The following GALNT13 variants were observed in gnomAD, a reference collection of about 807,000 sequenced individuals.
GALNT13 encodes UDP-GalNAc:polypeptide N-acetylgalactosaminyltransferase 13.
Under a neutral mutation model 64.2 loss-of-function variants are expected in GALNT13, and 28 were observed. The observed-to-expected ratio is 0.44, with a 90% CI of 0.32 to 0.60. GALNT13 has a LOEUF of 0.60. Among genes scored for constraint, GALNT13 ranks in the 20% least tolerant of loss-of-function variants. The probability of loss-of-function intolerance (pLI) is 0.05; values close to 1 mark genes in which losing one functional copy is unlikely to be tolerated. For missense variants in GALNT13, 577 were observed against 669.8 expected (o/e 0.86, Z 1.53); for synonymous variants, 214 against 224.6 (o/e 0.95, Z 0.42).
intron 3 of GALNT13, among the ~76,000 whole-genome samples, chr2:154,052,898 G>A (rs1187892137): frequency 2.0e-5 from 3 of 151,746 alleles, no homozygotes; most frequent in East Asian, 1.9e-4. Flanking sequence ...CACCATGCCC[G>A]GCTAATTTTT....
rs62171167 is a variant in GALNT13 at position 154,115,106 on chromosome 2, C to T, written c.143-25231C>T. ...GGTATGTCTTCTAGACACTCCCAGC[C>T]GGGATGAGTATGTCTAAAGTGACTA... On this transcript the variant is annotated intron_variant, in intron 3 of 12. Transcript: ENST00000392825. Among the ~76,000 whole-genome samples the T allele has an allele frequency of 1.4e-3, 213 of 152,220 alleles. 1 individual carries two copies. The highest frequency in any genetic ancestry group is 6.8e-3 in the Middle Eastern group (2 of 294).
At chr2:153,454,208 G>A in the GALNT13 span, among the ~76,000 whole-genome samples, 3 of 152,016 alleles carry the variant, frequency 2.0e-5, no homozygotes, top group African/African-American at 2.4e-5. Flanking sequence ...ATTGTACCCC[G>A]AACCTCAGCA....
chr2:154,155,968 A>G (rs983154179), intron 4 of GALNT13, among the ~76,000 whole-genome samples: 1 of 151,956 alleles, frequency 6.6e-6, no homozygotes. Context: ...TGCATAATAC[A>G]TATATATTCG....
At chr2:153,307,881 T>G in the GALNT13 span, among the ~76,000 whole-genome samples, 18 of 152,250 alleles carry the variant, frequency 1.2e-4, no homozygotes, top group Non-Finnish European at 2.6e-4. Flanking sequence ...TATCATCTAT[T>G]CAGATGTATA....
intron 3 of GALNT13, among the ~76,000 whole-genome samples, chr2:154,061,483 A>G (rs559041484): frequency 4.8e-4 from 73 of 152,324 alleles, no homozygotes; most frequent in Non-Finnish European, 9.0e-4. Context: ...TTTATTCATC[A>G]TTCTTCCTCT....
chr2:153,839,890 G>T, the GALNT13 span, among the ~76,000 whole-genome samples: 1 of 151,944 alleles, frequency 6.6e-6, no homozygotes, highest in Non-Finnish European at 1.5e-5. Context: ...AAGCTAGTAA[G>T]TGTACTGCCA....
Position 154,450,560 on chromosome 2 carries a change from T to C in GALNT13, c.*9T>C. The C allele has an allele frequency of 6.3e-7, 1 of 1,584,840 alleles. No homozygotes were observed. The highest frequency in any genetic ancestry group is 8.6e-7 in the Non-Finnish European group (1 of 1,169,222). On this transcript the variant is annotated 3_prime_UTR_variant, in exon 13 of 13. Transcript: ENST00000392825. ...TGACCTTGGGCACATGAAGATCATG[T>C]CCTCCAAGCCATGAAAGTGTCTACG...
intron 3 of GALNT13, among the ~76,000 whole-genome samples, chr2:154,035,234 GTA>G (rs1698589563): frequency 6.6e-6 from 1 of 152,044 alleles, no homozygotes; most frequent in Non-Finnish European, 1.5e-5. Context: ...ATGTGCGTTT[GTA>G]TGTTTGTGTG....
chr2:153,141,864 A>G, the GALNT13 span, among the ~76,000 whole-genome samples: 1 of 152,062 alleles, frequency 6.6e-6, no homozygotes, highest in Non-Finnish European at 1.5e-5. Context: ...CATCAGAGCC[A>G]GGGTTTGAAT....
chr2:153,087,635 T>A, the GALNT13 span, among the ~76,000 whole-genome samples: 3 of 152,122 alleles, frequency 2.0e-5, no homozygotes, highest in African/African-American at 4.8e-5. Context: ...CTATTTTTTT[T>A]ATTGCCATTT....
intron 3 of GALNT13, among the ~76,000 whole-genome samples, chr2:154,060,858 C>G (rs938719038): frequency 6.6e-6 from 1 of 151,982 alleles, no homozygotes; most frequent in African/African-American, 2.4e-5. Context: ...TCCTACAGGT[C>G]AGCCTCCAGG....
the GALNT13 span, among the ~76,000 whole-genome samples, chr2:153,440,261 C>T: frequency 6.6e-6 from 1 of 152,136 alleles, no homozygotes; most frequent in Non-Finnish European, 1.5e-5. Flanking sequence ...TCATCCATGT[C>T]CCTGCAAAGG....
chr2:154,415,996 T>C (rs1699991824), intron 11 of GALNT13, among the ~76,000 whole-genome samples: 1 of 152,046 alleles, frequency 6.6e-6, no homozygotes, highest in Non-Finnish European at 1.5e-5. Context: ...TTTAAATGAG[T>C]TGGATACATG....
the GALNT13 span, among the ~76,000 whole-genome samples, chr2:153,229,407 TA>T: frequency 6.6e-6 from 1 of 152,222 alleles, no homozygotes; most frequent in African/African-American, 2.4e-5. Context: ...CCATATTTAT[TA>T]ACCTTCTGGG....
the GALNT13 span, among the ~76,000 whole-genome samples, chr2:153,141,750 A>G: frequency 6.6e-6 from 1 of 152,156 alleles, no homozygotes; most frequent in South Asian, 2.1e-4. Flanking sequence ...AGAGCTCCCC[A>G]TACCATCATT....
chr2:153,613,440 T>C, the GALNT13 span, among the ~76,000 whole-genome samples: 1 of 152,096 alleles, frequency 6.6e-6, no homozygotes, highest in Non-Finnish European at 1.5e-5. Context: ...TTCTGTCAGA[T>C]GCAAAAAGTG....
At chr2:153,318,250 A>G in the GALNT13 span, among the ~76,000 whole-genome samples, 3 of 151,064 alleles carry the variant, frequency 2.0e-5, no homozygotes, top group Non-Finnish European at 4.4e-5. Flanking sequence ...GCTCCTCTCC[A>G]CTCTTATTCA....
chr2:153,953,316 A>G (rs1206784548), intron 3 of GALNT13, among the ~76,000 whole-genome samples: 2 of 152,240 alleles, frequency 1.3e-5, no homozygotes, highest in African/African-American at 4.8e-5. Context: ...TACATACATT[A>G]GTCAATAGTA....
At chr2:153,512,134 A>C in the GALNT13 span, among the ~76,000 whole-genome samples, 1 of 152,264 alleles carries the variant, frequency 6.6e-6, no homozygotes, top group East Asian at 1.9e-4. Context: ...CTATGAGGAC[A>C]TTGAAACCAC....
Sources: gnomAD v4.1 joint callset for allele counts (sites outside exome capture counted in the v4.1 genomes callset) on GRCh38, gnomAD v4.1.1 for gene constraint, MANE v1.5 for transcripts, NCBI Gene and HGNC (gene_info 2026-07-23, HGNC 2026-07-21) for gene names.